Variants in OR9Q1 observed in about 807,000 individuals in gnomAD.
OR9Q1 encodes olfactory receptor 9Q1.
For missense variants in OR9Q1, 374 were observed against 378.8 expected, an observed-to-expected ratio of 0.99 and a Z score of 0.11; for synonymous variants, 153 against 148.6, an observed-to-expected ratio of 1.03 and a Z score of -0.22.
intron 2 of OR9Q1, among the ~76,000 whole-genome samples, chr11:58,145,555 C>T (rs182263268): frequency 6.6e-6 from 1 of 152,208 alleles, no homozygotes; most frequent in East Asian, 1.9e-4. Context: ...ATTTGGGTTC[C>T]AGTACTTTCT....
chr11:58,026,991 T>C (rs1006740518), intron 1 of OR9Q1, among the ~76,000 whole-genome samples: 1 of 152,236 alleles, frequency 6.6e-6, no homozygotes. Flanking sequence ...CAATTTGGTG[T>C]CAGGCAGTAG....
At chr11:58,130,691 A>G (rs1854132835) in intron 2 of OR9Q1, among the ~76,000 whole-genome samples, 1 of 151,992 alleles carries the variant, frequency 6.6e-6, no homozygotes, top group Non-Finnish European at 1.5e-5. Context: ...GTGTGGTGGT[A>G]CATGCCTGCT....
rs547248312 is a variant in OR9Q1 at position 58,137,034 on chromosome 11, A to C, written c.-14-42397A>C. Among the ~76,000 whole-genome samples the C allele has an allele frequency of 3.6e-4, 55 of 152,282 alleles. 2 individuals are homozygous for C. The South Asian group carries it at 0.011, about 31-fold the overall frequency. On this transcript the variant is annotated intron_variant, in intron 2 of 2. Transcript: ENST00000335397. ...TGTCTTTCCAGAACCCATTTGGCAA[A>C]GTCCTCTGGCGGCACTGTTATTGGG...
chr11:58,030,529 C>T (rs1222423128), intron 1 of OR9Q1, among the ~76,000 whole-genome samples: 1 of 152,178 alleles, frequency 6.6e-6, no homozygotes, highest in African/African-American at 2.4e-5. Context: ...CCATGGTAAA[C>T]TGTCTCTACT....
chr11:58,086,434 G>A (rs2120054077), intron 2 of OR9Q1, among the ~76,000 whole-genome samples: 1 of 151,896 alleles, frequency 6.6e-6, no homozygotes, highest in African/African-American at 2.4e-5. Context: ...AGCCATTATG[G>A]AAAACAGTAT....
At chr11:58,027,314 C>T (rs1464698335) in intron 1 of OR9Q1, among the ~76,000 whole-genome samples, 1 of 152,146 alleles carries the variant, frequency 6.6e-6, no homozygotes, top group Non-Finnish European at 1.5e-5. Context: ...GTAACTACTG[C>T]TTGACACAGT....
At chr11:58,172,029 GC>G (rs1164905114) in intron 2 of OR9Q1, among the ~76,000 whole-genome samples, 1 of 152,158 alleles carries the variant, frequency 6.6e-6, no homozygotes, top group African/African-American at 2.4e-5. Context: ...TTAACATTGA[GC>G]AAAATGGGAT....
chr11:58,127,980 A>T (rs745356108), intron 2 of OR9Q1, among the ~76,000 whole-genome samples: 1 of 152,142 alleles, frequency 6.6e-6, no homozygotes, highest in Admixed American at 6.5e-5. Flanking sequence ...TTTTAAGTCA[A>T]TTTTATTTGG....
chr11:58,167,253 C>T (rs1264067683), intron 2 of OR9Q1, among the ~76,000 whole-genome samples: 3 of 151,986 alleles, frequency 2.0e-5, no homozygotes, highest in Non-Finnish European at 4.4e-5. Context: ...GAATTTGACA[C>T]TTCATTTTCA....
intron 1 of OR9Q1, among the ~76,000 whole-genome samples, chr11:58,055,257 T>G (rs1853316171): frequency 1.3e-5 from 2 of 152,088 alleles, no homozygotes; most frequent in Admixed American, 1.3e-4. Context: ...TAAAAAACAC[T>G]AAAAAGGTGT....
chr11:58,031,812 C>G (rs1853043885), intron 1 of OR9Q1: 2 of 1,614,108 alleles, frequency 1.2e-6, no homozygotes, highest in Non-Finnish European at 1.7e-6. Context: ...GTTGTCACGC[C>G]CATGCTCAAT....
rs144273345 is a variant in OR9Q1 at position 58,033,866 on chromosome 11, G to A, written c.-93+9762G>A. Among the ~76,000 whole-genome samples, 7 of 152,260 alleles carry A rather than the reference G, an allele frequency of 4.6e-5. No homozygotes were observed. In the East Asian group the frequency reaches 9.7e-4, roughly 21 times the overall value. ...TATATTAGATAAAGTAAAATGCTAAGTCTCTATAACAAGAGAGACTTAACT... is the reference window on the plus strand; with the variant it reads ...TATATTAGATAAAGTAAAATGCTAAATCTCTATAACAAGAGAGACTTAACT... On this transcript the variant is annotated intron_variant, in intron 1 of 2. Coordinates refer to ENST00000335397, the MANE Select transcript of OR9Q1 (RefSeq NM_001005212.4).
chr11:58,031,415 G>T (rs746990702), intron 1 of OR9Q1: 2 of 1,614,150 alleles, frequency 1.2e-6, no homozygotes, highest in Admixed American at 3.3e-5. Context: ...CTGTTGGCTG[G>T]TAGGTTTCCT....
In OR9Q1 at chr11:58,048,700, T is replaced by A. The variant is rs1853246978; in HGVS notation, c.-92-7170T>A. The stretch of plus-strand genomic sequence containing the variant: ...AAAAAATATATATATATATATTTTT[T>A]AGCAAGACTAATAAAAAAAGAGAGA... On this transcript the variant is annotated intron_variant, in intron 1 of 2. Transcript: ENST00000335397. Among the ~76,000 whole-genome samples the A allele has an allele frequency of 3.3e-5, 4 of 121,944 alleles. No homozygotes were observed. The South Asian group carries it at 1.2e-3, about 37-fold the overall frequency. 80.0% of individuals were successfully genotyped at this position (121,944 alleles called of 152,430 possible).
At chr11:58,096,032 A>G (rs1853727847) in intron 2 of OR9Q1, among the ~76,000 whole-genome samples, 1 of 152,120 alleles carries the variant, frequency 6.6e-6, no homozygotes, top group South Asian at 2.1e-4. Flanking sequence ...CATTGACTGG[A>G]ATGCCTGGAC....
chr11:58,158,131 G>A (rs765144580), intron 2 of OR9Q1, among the ~76,000 whole-genome samples: 1 of 152,100 alleles, frequency 6.6e-6, no homozygotes. Context: ...ATGTCTCTGG[G>A]GTATCAGGGT....
intron 1 of OR9Q1, among the ~76,000 whole-genome samples, chr11:58,024,938 G>C (rs993388550): frequency 1.3e-5 from 2 of 152,164 alleles, no homozygotes. Context: ...GCACGGTGTG[G>C]AGGCTTTTTT....
chr11:58,080,891 A>G (rs1044456083), intron 2 of OR9Q1, among the ~76,000 whole-genome samples: 3 of 152,154 alleles, frequency 2.0e-5, no homozygotes, highest in Admixed American at 1.3e-4. Flanking sequence ...ATAGGTATAC[A>G]TGTGCCATGT....
chr11:58,037,348 T>C (rs1853109754), intron 1 of OR9Q1, among the ~76,000 whole-genome samples: 1 of 152,164 alleles, frequency 6.6e-6, no homozygotes, highest in African/African-American at 2.4e-5. Flanking sequence ...GAGAGCTTGC[T>C]TTATTCACTT....
Sources: allele counts gnomAD v4.1 joint callset (sites outside exome capture counted in the v4.1 genomes callset), GRCh38; gene constraint gnomAD v4.1.1; transcripts MANE v1.5; gene names NCBI Gene and HGNC (gene_info 2026-07-23, HGNC 2026-07-21).